Variants in CCDC7 observed in about 807,000 individuals in gnomAD.
CCDC7 encodes the protein coiled-coil domain-containing protein 7.
Under a neutral mutation model 196.9 loss-of-function variants are expected in CCDC7, and 183 were observed. The observed-to-expected ratio is 0.93, with a 90% CI of 0.82 to 1.05. The LOEUF (loss-of-function observed/expected upper bound fraction) is 1.05, where lower values mean the gene tolerates loss of function less well. Among genes scored for constraint, CCDC7 ranks in the 50% least tolerant of loss-of-function variants. The probability of loss-of-function intolerance (pLI) is 0.00; values close to 1 mark genes in which losing one functional copy is unlikely to be tolerated. For synonymous variants in CCDC7, 525 were observed against 484.6 expected (o/e 1.08, Z -1.10); for missense variants, 1,540 against 1,482.2 (o/e 1.04, Z -0.64).
intron 9 of CCDC7, among the ~76,000 whole-genome samples, chr10:32,516,318 C>T (rs1164622318): frequency 4.0e-5 from 6 of 151,160 alleles, no homozygotes; most frequent in South Asian, 2.1e-4. Context: ...GATGGAGTCT[C>T]GCTCTGTTGT....
intron 20 of CCDC7, among the ~76,000 whole-genome samples, chr10:32,657,616 A>G (rs1346948059): frequency 1.3e-5 from 2 of 152,220 alleles, no homozygotes; most frequent in African/African-American, 2.4e-5. Context: ...GGCCTGATCC[A>G]GGAAACCATT....
intron 21 of CCDC7, among the ~76,000 whole-genome samples, chr10:32,664,540 G>C (rs1327041532): frequency 6.6e-6 from 1 of 151,974 alleles, no homozygotes; most frequent in Non-Finnish European, 1.5e-5. Flanking sequence ...TTTACTCTCT[G>C]TTCCTATGAA....
intron 18 of CCDC7, among the ~76,000 whole-genome samples, chr10:32,614,486 A>G (rs2062559008): frequency 6.6e-6 from 1 of 152,120 alleles, no homozygotes; most frequent in Admixed American, 6.5e-5. Flanking sequence ...TCCTGTCATT[A>G]TGAAGCCAGC....
intron 5 of CCDC7, among the ~76,000 whole-genome samples, chr10:32,465,109 GT>G (rs72519574): frequency 0.23 from 15,690 of 67,312 alleles, 993 homozygotes; most frequent in East Asian, 0.49. Context: ...AATGAAACTA[GT>G]TTTTTTTTTT....
chr10:32,678,346 G>A (rs1358685705), intron 21 of CCDC7, among the ~76,000 whole-genome samples: 2 of 152,052 alleles, frequency 1.3e-5, no homozygotes, highest in African/African-American at 2.4e-5. Context: ...ATTGATGTAC[G>A]TGCATTTAAA....
chr10:32,830,528 G>C (rs2092057482), intron 32 of CCDC7, among the ~76,000 whole-genome samples: 1 of 152,000 alleles, frequency 6.6e-6, no homozygotes, highest in Admixed American at 6.6e-5. Context: ...TAAAATCTAT[G>C]CTTAAGCATG....
At chr10:32,637,043 G>T (rs1171166535) in intron 20 of CCDC7, among the ~76,000 whole-genome samples, 1 of 152,174 alleles carries the variant, frequency 6.6e-6, no homozygotes, top group Non-Finnish European at 1.5e-5. Context: ...AGAAGTGTTT[G>T]TTCATATCTT....
At chr10:32,514,897 TC>T (rs2135442865) in intron 9 of CCDC7, among the ~76,000 whole-genome samples, 1 of 152,312 alleles carries the variant, frequency 6.6e-6, no homozygotes, top group South Asian at 2.1e-4. Flanking sequence ...TAATCATAGC[TC>T]ACTTCAGCTG....
intron 6 of CCDC7, among the ~76,000 whole-genome samples, chr10:32,471,563 T>C (rs902294569): frequency 2.4e-4 from 37 of 152,172 alleles, no homozygotes; most frequent in Admixed American, 1.6e-3. Context: ...TTATAAACTC[T>C]TCTCTCAGTT....
intron 23 of CCDC7, among the ~76,000 whole-genome samples, chr10:32,694,663 T>G (rs2077481219): frequency 6.6e-6 from 1 of 152,208 alleles, no homozygotes; most frequent in Non-Finnish European, 1.5e-5. Flanking sequence ...GACTAATATA[T>G]ATCAGATGCC....
intron 28 of CCDC7, among the ~76,000 whole-genome samples, chr10:32,743,619 C>T (rs970101642): frequency 3.9e-5 from 6 of 152,044 alleles, no homozygotes; most frequent in African/African-American, 1.4e-4. Context: ...TACCATTTGA[C>T]CCAGCCATCC....
At chr10:32,850,115 C>A (rs1041275325) in intron 39 of CCDC7, among the ~76,000 whole-genome samples, 1 of 152,260 alleles carries the variant, frequency 6.6e-6, no homozygotes, top group Non-Finnish European at 1.5e-5. Context: ...TGAAAAGAGA[C>A]AGGAAGCTCT....
At chr10:32,619,146 T>G (rs927285916) in intron 18 of CCDC7, among the ~76,000 whole-genome samples, 1 of 152,068 alleles carries the variant, frequency 6.6e-6, no homozygotes, top group Non-Finnish European at 1.5e-5. Flanking sequence ...AAGACAGTAA[T>G]CTTATTTTGA....
At chr10:32,451,999 A>G in intron 1 of CCDC7, 78 bp downstream of exon 2, 3 of 1,481,646 alleles carry the variant, frequency 2.0e-6, no homozygotes, top group East Asian at 2.4e-5. Context: ...GAGGACTCAC[A>G]TGACTCCACA....
At chr10:32,880,719 A>G (rs1405035951), downstream of CCDC7, among the ~76,000 whole-genome samples, 1 of 152,176 alleles carries the variant, frequency 6.6e-6, no homozygotes, top group Non-Finnish European at 1.5e-5. Context: ...TAATTTTTGT[A>G]TAAGGTGCAA....
At chr10:32,756,734 T>A (rs1019280767) in intron 28 of CCDC7, among the ~76,000 whole-genome samples, 8 of 152,150 alleles carry the variant, frequency 5.3e-5, no homozygotes, top group Admixed American at 4.6e-4. Context: ...AATTACAGGA[T>A]CAAATTCACA....
intron 37 of CCDC7, among the ~76,000 whole-genome samples, chr10:32,847,235 C>A (rs866411068): frequency 6.6e-6 from 1 of 152,060 alleles, no homozygotes; most frequent in African/African-American, 2.4e-5. Flanking sequence ...CAATGACAAG[C>A]CCCAGATAGA....
chr10:32,841,423 A>C (rs2092962722), intron 33 of CCDC7, among the ~76,000 whole-genome samples: 1 of 151,930 alleles, frequency 6.6e-6, no homozygotes, highest in South Asian at 2.1e-4. Context: ...AAACAAACAA[A>C]AAACAAAAAA....
At chr10:32,728,958 G>A in exon 27 of CCDC7, 1 of 1,606,942 alleles carries the variant, frequency 6.2e-7, no homozygotes, top group Non-Finnish European at 8.5e-7. Context: ...CCAAATGCAA[G>A]AAAAGAAACA....
Sources: allele counts gnomAD v4.1 joint callset (sites outside exome capture counted in the v4.1 genomes callset), GRCh38; gene constraint gnomAD v4.1.1; transcripts MANE v1.5; gene names NCBI Gene and HGNC (gene_info 2026-07-23, HGNC 2026-07-21).